Variants in CDH18 observed in about 807,000 individuals in gnomAD.
CDH18 encodes the protein cadherin 18.
A neutral mutation model predicts 67.9 loss-of-function variants in CDH18; 31 were observed. The observed-to-expected ratio is 0.46, with a 90% CI of 0.34 to 0.62. CDH18 has a LOEUF of 0.62. Ranked by LOEUF, CDH18 falls within the 20% of genes least tolerant of loss-of-function variation. CDH18 has a pLI of 0.01. For missense variants in CDH18, 890 were observed against 975.5 expected (o/e 0.91, Z 1.17); for synonymous variants, 362 against 347.2 (o/e 1.04, Z -0.48).
At chr5:20,375,659 A>T (rs1743353703) in intron 1 of CDH18, among the ~76,000 whole-genome samples, 1 of 152,098 alleles carries the variant, frequency 6.6e-6, no homozygotes, top group Non-Finnish European at 1.5e-5. Flanking sequence ...TTTTTAGGGC[A>T]AATAACTCCT....
At position 20,183,064 on chromosome 5, in the gene CDH18, A is replaced by T. The variant is rs186402228; in HGVS notation, c.-518+72380T>A. 1.4e-4 allele frequency among the ~76,000 whole-genome samples: 22 copies of T among 152,218 alleles called. 1 individual carries two copies. The highest frequency in any genetic ancestry group is 5.3e-4 in the African/African-American group (22 of 41,560). ...GTTTGGTCATCAGTAAGATGAAGAT[A>T]ATTACAGCATCTACTTCATTATAAT... On this transcript the variant is annotated intron_variant, in intron 2 of 14. Coordinates refer to the CDH18 transcript ENST00000507958.
intron 3 of CDH18, among the ~76,000 whole-genome samples, chr5:19,830,446 T>C (rs996327411): frequency 1.3e-5 from 2 of 152,002 alleles, no homozygotes; most frequent in South Asian, 4.1e-4. Context: ...ACACACAACA[T>C]CACTAATCGT....
chr5:19,968,772 C>T (rs1453826680), intron 2 of CDH18, among the ~76,000 whole-genome samples: 4 of 144,426 alleles, frequency 2.8e-5, no homozygotes, highest in African/African-American at 8.7e-5. Context: ...CCATTCAGGA[C>T]ATAGGCATGG....
At chr5:19,690,378 CCACTT>C (rs1355562842) in intron 5 of CDH18, among the ~76,000 whole-genome samples, 1 of 151,296 alleles carries the variant, frequency 6.6e-6, no homozygotes, top group African/African-American at 2.4e-5. Flanking sequence ...ATCTAATAAT[CCACTT>C]CAAGAAACTA....
chr5:20,460,626 T>C lies in CDH18; in HGVS notation c.-580+114836A>G, dbSNP rs150267094. Among the ~76,000 whole-genome samples, 1,129 of 152,186 alleles carry C rather than the reference T, an allele frequency of 7.4e-3. 13 individuals carry two copies. The highest frequency in any genetic ancestry group is 0.014 in the Admixed American group (210 of 15,286). ...GATTTCATCTTTGAACAGTGAAACC[T>C]ACATTTGAGATTTTAGACATCAGTT... On this transcript the variant is annotated intron_variant, in intron 1 of 14. Transcript: ENST00000507958.
intron 1 of CDH18, among the ~76,000 whole-genome samples, chr5:20,409,894 A>G (rs1450391835): frequency 6.6e-6 from 1 of 151,708 alleles, no homozygotes; most frequent in Non-Finnish European, 1.5e-5. Context: ...AAACTAGAAG[A>G]AACATATAAA....
chr5:20,209,341 T>C (rs528805281), intron 2 of CDH18, among the ~76,000 whole-genome samples: 298 of 152,128 alleles, frequency 2.0e-3, no homozygotes, highest in African/African-American at 6.6e-3. Context: ...AGCCAAAATA[T>C]GGAATTAACC....
At chr5:19,744,964 T>A (rs191402450) in intron 4 of CDH18, among the ~76,000 whole-genome samples, 2 of 152,338 alleles carry the variant, frequency 1.3e-5, no homozygotes, top group East Asian at 1.9e-4. Flanking sequence ...ACTTGTAAAG[T>A]CAGTATATTA....
intron 2 of CDH18, among the ~76,000 whole-genome samples, chr5:20,182,414 C>T (rs1480512735): frequency 2.0e-5 from 3 of 151,502 alleles, no homozygotes; most frequent in East Asian, 3.9e-4. Context: ...ACCAGCCTGA[C>T]CAAAATGGAG....
At chr5:19,940,808 C>T (rs1441538687) in intron 2 of CDH18, among the ~76,000 whole-genome samples, 1 of 152,020 alleles carries the variant, frequency 6.6e-6, no homozygotes, top group South Asian at 2.1e-4. Context: ...TTACCACCAA[C>T]AACAATAGCA....
intron 2 of CDH18, among the ~76,000 whole-genome samples, chr5:19,966,962 A>C (rs1797504133): frequency 6.6e-6 from 1 of 152,166 alleles, no homozygotes; most frequent in African/African-American, 2.4e-5. Context: ...TACTAATACC[A>C]AACCCATTAA....
intron 1 of CDH18, among the ~76,000 whole-genome samples, chr5:20,507,862 T>C (rs1212623264): frequency 6.6e-6 from 1 of 152,162 alleles, no homozygotes. Context: ...TTAAACTTTT[T>C]AGGCAACCTA....
rs574238646 is a variant in CDH18 at position 19,950,757 on chromosome 5, C to A, written c.-257+30303G>T. Among the ~76,000 whole-genome samples, 10 of 152,014 alleles carry A rather than the reference C, an allele frequency of 6.6e-5. No homozygotes were observed. In the South Asian group the frequency reaches 2.1e-3, roughly 32 times the overall value. Reference sequence around the variant, plus strand: ...AACCACAAATAGCTATTGAAAATAACAAATATTTGACATGTAATGTTATGT... The same window carrying A: ...AACCACAAATAGCTATTGAAAATAAAAAATATTTGACATGTAATGTTATGT... On this transcript the variant is annotated intron_variant, in intron 2 of 12. Transcript: ENST00000382275.
chr5:19,889,827 AAATC>A (rs1331338473), intron 2 of CDH18, among the ~76,000 whole-genome samples: 1 of 152,204 alleles, frequency 6.6e-6, no homozygotes, highest in Non-Finnish European at 1.5e-5. Flanking sequence ...TAATAACAAT[AAATC>A]AGAGATATCA....
At chr5:19,663,943 GA>G (rs1473112818) in intron 5 of CDH18, among the ~76,000 whole-genome samples, 12 of 151,256 alleles carry the variant, frequency 7.9e-5, no homozygotes, top group East Asian at 3.9e-4. Context: ...TTGTTAAGAG[GA>G]AAAAAGTTTA....
chr5:20,065,544 C>T (rs1742907683), intron 2 of CDH18, among the ~76,000 whole-genome samples: 1 of 151,956 alleles, frequency 6.6e-6, no homozygotes, highest in Non-Finnish European at 1.5e-5. Flanking sequence ...AAGTTGAAAG[C>T]ATCTAAGTTG....
intron 2 of CDH18, among the ~76,000 whole-genome samples, chr5:20,254,801 G>T (rs1744106586): frequency 1.3e-5 from 2 of 152,042 alleles, no homozygotes; most frequent in African/African-American, 4.8e-5. Flanking sequence ...TATACCAAAA[G>T]ACACATGCAC....
chr5:20,371,953 A>G (rs1243529954), intron 1 of CDH18, among the ~76,000 whole-genome samples: 1 of 152,226 alleles, frequency 6.6e-6, no homozygotes, highest in Non-Finnish European at 1.5e-5. Context: ...AATCTTCCTT[A>G]AGCCTTGCCA....
At chr5:19,854,173 C>G (rs567383993) in intron 2 of CDH18, among the ~76,000 whole-genome samples, 1 of 152,144 alleles carries the variant, frequency 6.6e-6, no homozygotes, top group East Asian at 1.9e-4. Context: ...ATACCATCAA[C>G]CTTACTCATG....
Sources: gnomAD v4.1 joint callset for allele counts (sites outside exome capture counted in the v4.1 genomes callset) on GRCh38, gnomAD v4.1.1 for gene constraint, MANE v1.5 for transcripts, NCBI Gene and HGNC (gene_info 2026-07-23, HGNC 2026-07-21) for gene names.